Variants in TVP23A observed in about 807,000 individuals in gnomAD.
TVP23A encodes trans-golgi network vesicle protein 23 homolog A, also known as Golgi apparatus membrane protein TVP23 homolog A.
In TVP23A, 21 loss-of-function variants were observed where a neutral mutation model predicts 31.7. That is an observed-to-expected ratio of 0.66 (90% CI 0.47 to 0.95). The LOEUF (loss-of-function observed/expected upper bound fraction) is 0.95. TVP23A is among the 40% of genes least tolerant of loss of function. The probability of loss-of-function intolerance (pLI) is 0.00; values close to 1 mark genes in which losing one functional copy is unlikely to be tolerated. For missense variants in TVP23A, 279 were observed against 255.6 expected (o/e 1.09, Z -0.62); for synonymous variants, 104 against 96.0 (o/e 1.08, Z -0.49).
chr16:10,798,266 T>TG (rs1392902765), intron 2 of TVP23A, among the ~76,000 whole-genome samples: 1 of 152,120 alleles, frequency 6.6e-6, no homozygotes, highest in Admixed American at 6.6e-5. Flanking sequence ...CTTTTTTTTC[T>TG]TTTTTTAAGT....
intron 2 of TVP23A, among the ~76,000 whole-genome samples, chr16:10,809,097 G>A (rs2143001698): frequency 6.6e-6 from 1 of 152,304 alleles, no homozygotes; most frequent in African/African-American, 2.4e-5. Context: ...AGAATAACAG[G>A]TGCCACTTCT....
rs746345175 is a variant in TVP23A, at chr16:10,779,216, A to G, written c.90-4120T>C. Among the ~76,000 whole-genome samples, 4 of 152,218 alleles carry G rather than the reference A, an allele frequency of 2.6e-5. No individual in the cohort carries two copies. Among genetic ancestry groups the G allele is most frequent in the African/African-American group, 4.8e-5 (2 of 41,464 alleles). On this transcript the variant is annotated intron_variant, in intron 2 of 7. Coordinates refer to ENST00000299866, the MANE Select transcript of TVP23A (RefSeq NM_001079512.4). The surrounding 1 kb of genome is among the most constrained non-coding windows in gnomAD (Gnocchi z 4.9). ...AGAGTTCAAAGCCCAAAGCAAGTAG[A>G]AGAGGACGCCTGTTGCCCTTTTAAA...
intron 2 of TVP23A, among the ~76,000 whole-genome samples, chr16:10,789,198 GT>G: frequency 6.6e-6 from 1 of 152,110 alleles, no homozygotes; most frequent in East Asian, 1.9e-4. Flanking sequence ...GATGGCAAAT[GT>G]TTTTTACCAG....
At chr16:10,791,371 G>C (rs1183547283) in intron 2 of TVP23A, among the ~76,000 whole-genome samples, 1 of 152,146 alleles carries the variant, frequency 6.6e-6, no homozygotes, top group East Asian at 1.9e-4. Context: ...AAACTACTTA[G>C]GCAAATAGGG....
chr16:10,788,997 T>A (rs1596531178), intron 2 of TVP23A, among the ~76,000 whole-genome samples: 1 of 152,162 alleles, frequency 6.6e-6, no homozygotes, highest in East Asian at 1.9e-4. Flanking sequence ...TGTCCCATAT[T>A]TTTATGGCCA....
intron 2 of TVP23A, among the ~76,000 whole-genome samples, chr16:10,775,942 T>G (rs1239193672): frequency 3.3e-5 from 5 of 151,218 alleles, no homozygotes; most frequent in African/African-American, 1.2e-4. Flanking sequence ...AGAAACAGGA[T>G]TTCAACATGT....
At position 10,785,118 on chromosome 16, in the gene TVP23A, A is replaced by G. The variant is rs1287204905; in HGVS notation, c.90-10022T>C. On this transcript the variant is annotated intron_variant, in intron 2 of 7. Transcript: ENST00000299866. ...TCTCAAAAAAAAAAAAAAAAAATAG[A>G]GCCAGGCCGGGCATGGTGGCTCACG... 1.3e-4 allele frequency among the ~76,000 whole-genome samples: 17 copies of G among 126,636 alleles called. No individual in the cohort carries two copies. In the Admixed American group the frequency reaches 1.4e-3, roughly 11 times the overall value. The allele number at this position is 126,636 out of a possible 152,430, so 83.1% of individuals were successfully genotyped here. A position where few individuals can be genotyped will look rare whatever the true frequency, so the allele number is the denominator to read the frequency against.
At chr16:10,807,670 A>G (rs2034007623) in intron 2 of TVP23A, among the ~76,000 whole-genome samples, 1 of 152,178 alleles carries the variant, frequency 6.6e-6, no homozygotes, top group Non-Finnish European at 1.5e-5. Context: ...GCCAAGGCTG[A>G]GAAGCTGCTC....
chr16:10,760,108 G>A (rs1232692427), downstream of TVP23A, among the ~76,000 whole-genome samples: 2 of 152,228 alleles, frequency 1.3e-5, no homozygotes, highest in Non-Finnish European at 1.5e-5. Flanking sequence ...ATGCAAAGTT[G>A]TCCACATTGG....
chr16:10,785,975 G>A (rs777716397), intron 2 of TVP23A, among the ~76,000 whole-genome samples: 8 of 152,090 alleles, frequency 5.3e-5, no homozygotes, highest in African/African-American at 1.4e-4. Flanking sequence ...ATGAAACCCC[G>A]TCTCTACTAA....
intron 2 of TVP23A, among the ~76,000 whole-genome samples, chr16:10,780,521 C>G (rs7192850): frequency 0.019 from 2,864 of 152,292 alleles, 77 homozygotes; most frequent in African/African-American, 0.059. Flanking sequence ...AGTGCTGAGA[C>G]AGCTGTTATG....
At chr16:10,774,197 C>A (rs779308910) in intron 3 of TVP23A, 69 bp from the exon 4 acceptor site, 42 of 1,205,398 alleles carry the variant, frequency 3.5e-5, no homozygotes, top group Non-Finnish European at 4.7e-5. Context: ...TATTGATAAA[C>A]AAAAGTTCCT....
At chr16:10,802,241 C>CGT (rs61036988) in intron 2 of TVP23A, among the ~76,000 whole-genome samples, 3,830 of 130,380 alleles carry the variant, frequency 0.029, 60 homozygotes, top group African/African-American at 0.048. Context: ...TTATATGATA[C>CGT]GTGTGTGTGT....
chr16:10,798,503 C>T (rs959106563), intron 2 of TVP23A, among the ~76,000 whole-genome samples: 3 of 152,172 alleles, frequency 2.0e-5, no homozygotes, highest in African/African-American at 4.8e-5. Context: ...AGATGGCCAC[C>T]GGTGATCCTG....
intron 2 of TVP23A, among the ~76,000 whole-genome samples, chr16:10,789,676 A>AAG (rs2032983254): frequency 2.0e-5 from 3 of 150,412 alleles, no homozygotes; most frequent in African/African-American, 7.3e-5. Context: ...AAAAAAAAAA[A>AAG]AAAAAAAAAA....
intron 6 of TVP23A, among the ~76,000 whole-genome samples, chr16:10,770,568 A>G (rs1222150188): frequency 6.7e-6 from 1 of 150,182 alleles, no homozygotes; most frequent in Non-Finnish European, 1.5e-5. Context: ...ATTAAGTTAA[A>G]AAAAAAAAAC....
Position 10,766,816 on chromosome 16 carries a change from A to G in TVP23A, c.*2286T>C, listed in dbSNP as rs2030952264. 7.5e-6 allele frequency: 3 copies of G among 397,682 alleles called. No individual in the cohort carries two copies. Among genetic ancestry groups the G allele is most frequent in the Admixed American group, 8.8e-5 (2 of 22,722 alleles). The allele number at this position is 397,682 out of a possible 1,614,324, so 24.6% of individuals were successfully genotyped here. On this transcript the variant is annotated 3_prime_UTR_variant, in exon 8 of 8. Coordinates refer to ENST00000299866, the MANE Select transcript of TVP23A (RefSeq NM_001079512.4). The surrounding 1 kb of genome is among the most constrained non-coding windows in gnomAD (Gnocchi z 4.8). Reference sequence around the variant, plus strand: ...ACCCTCTACTTGAGGTACGCCCTATATAAACGAAAAGGATGAAGTAAAGTT... The same window carrying G: ...ACCCTCTACTTGAGGTACGCCCTATGTAAACGAAAAGGATGAAGTAAAGTT...
intron 5 of TVP23A, 32 bp from the exon 6 acceptor site, chr16:10,771,830 T>A: frequency 6.5e-7 from 1 of 1,550,124 alleles, no homozygotes; most frequent in Non-Finnish European, 8.7e-7. Context: ...AAAGGTCACT[T>A]TTTTTTGAGA....
intron 2 of TVP23A, among the ~76,000 whole-genome samples, chr16:10,810,593 C>G (rs1163596974): frequency 6.6e-6 from 1 of 151,904 alleles, no homozygotes; most frequent in Non-Finnish European, 1.5e-5. Flanking sequence ...AGAAGGCCCT[C>G]CCTTCCCAAT....
Sources: allele counts gnomAD v4.1 joint callset (sites outside exome capture counted in the v4.1 genomes callset), GRCh38; gene constraint gnomAD v4.1.1; non-coding constraint Gnocchi (gnomAD v3.1); transcripts MANE v1.5; gene names NCBI Gene and HGNC (gene_info 2026-07-23, HGNC 2026-07-21).